RNF111: variants seen among roughly 807,000 people sequenced by gnomAD.
RNF111 encodes E3 ubiquitin-protein ligase Arkadia.
In RNF111, 17 loss-of-function variants were observed where a neutral mutation model predicts 95.1. The ratio of observed to expected loss-of-function variants is 0.18; its 90% CI spans 0.12 to 0.27. The LOEUF (loss-of-function observed/expected upper bound fraction) is 0.27, where lower values mean the gene tolerates loss of function less well. RNF111 is among the 10% of genes least tolerant of loss of function. The probability of loss-of-function intolerance (pLI) is 1.00; values close to 1 mark genes in which losing one functional copy is unlikely to be tolerated. For synonymous variants in RNF111, 440 were observed against 414.8 expected (o/e 1.06, Z -0.74); for missense variants, 1,189 against 1,210.4 (o/e 0.98, Z 0.26).
chr15:59,088,192 A>G (rs959599852), intron 10 of RNF111, among the ~76,000 whole-genome samples: 1 of 152,188 alleles, frequency 6.6e-6, no homozygotes, highest in Non-Finnish European at 1.5e-5. Flanking sequence ...GAAGTAGTGA[A>G]GTAAGCATGA....
At chr15:59,070,820 G>A (rs1215195104) in intron 6 of RNF111, among the ~76,000 whole-genome samples, 1 of 152,112 alleles carries the variant, frequency 6.6e-6, no homozygotes, top group East Asian at 1.9e-4. Context: ...TCTCGGGACT[G>A]TTGGGTGACT....
intron 1 of RNF111, among the ~76,000 whole-genome samples, chr15:59,012,355 G>C (rs1477373935): frequency 6.6e-6 from 1 of 152,100 alleles, no homozygotes; most frequent in East Asian, 1.9e-4. Context: ...GGTAATTACA[G>C]TATTTGATAA....
chr15:59,003,789 T>G (rs2039426419), intron 1 of RNF111, among the ~76,000 whole-genome samples: 2 of 152,256 alleles, frequency 1.3e-5, no homozygotes, highest in Non-Finnish European at 1.5e-5. Flanking sequence ...GCAAAGACTT[T>G]CTATGTCCTG....
At chr15:59,084,778 C>A (rs566260945) in intron 9 of RNF111, among the ~76,000 whole-genome samples, 1 of 152,108 alleles carries the variant, frequency 6.6e-6, no homozygotes, top group Non-Finnish European at 1.5e-5. Context: ...CATGACCCCC[C>A]ACCCTCTCCC....
At chr15:58,992,292 G>A (rs1051772761) in intron 1 of RNF111, among the ~76,000 whole-genome samples, 2 of 152,062 alleles carry the variant, frequency 1.3e-5, no homozygotes, top group Non-Finnish European at 2.9e-5. Flanking sequence ...TGATTCGCCC[G>A]TCTCGGCCTC....
At chr15:59,090,290 C>T (rs1209995193) in intron 11 of RNF111, among the ~76,000 whole-genome samples, 3 of 152,120 alleles carry the variant, frequency 2.0e-5, no homozygotes, top group Non-Finnish European at 4.4e-5. Flanking sequence ...AGTGCAGTTG[C>T]ACAATCTCAG....
At chr15:59,059,581 T>A (rs1322325882) in intron 5 of RNF111, among the ~76,000 whole-genome samples, 1 of 152,186 alleles carries the variant, frequency 6.6e-6, no homozygotes, top group Non-Finnish European at 1.5e-5. Flanking sequence ...CTGGGGTTTT[T>A]TGGTTATGGT....
intron 5 of RNF111, among the ~76,000 whole-genome samples, chr15:59,065,194 G>C (rs2042604018): frequency 6.6e-6 from 1 of 152,098 alleles, no homozygotes. Context: ...GATGGCAGCA[G>C]GGCGGGGCTT....
chr15:59,039,055 C>G (rs971782468), intron 2 of RNF111, among the ~76,000 whole-genome samples: 2 of 152,154 alleles, frequency 1.3e-5, no homozygotes, highest in African/African-American at 2.4e-5. Context: ...ACCTCTGCCT[C>G]CCGTGTTCAA....
intron 1 of RNF111, among the ~76,000 whole-genome samples, chr15:59,021,108 T>G (rs1174908322): frequency 6.6e-6 from 1 of 152,164 alleles, no homozygotes; most frequent in South Asian, 2.1e-4. Flanking sequence ...ATCATTCTTA[T>G]GCCTCTGTGT....
chr15:58,990,276 T>C lies in RNF111; in HGVS notation c.-20+2208T>C, dbSNP rs74908426. Among the ~76,000 whole-genome samples, 435 of 152,266 alleles carry C rather than the reference T, an allele frequency of 2.9e-3. 1 individual carries two copies. Among genetic ancestry groups the C allele is most frequent in the African/African-American group, 9.9e-3 (413 of 41,546 alleles). On this transcript the variant is annotated intron_variant, in intron 1 of 13. Coordinates refer to ENST00000348370, the MANE Select transcript of RNF111 (RefSeq NM_017610.8). Reference sequence around the variant, plus strand: ...TATCTAGTTAGGTTTTTGGTATTCATTGTTGTGTTTGTCGTAATTGAATCC... The same window carrying C: ...TATCTAGTTAGGTTTTTGGTATTCACTGTTGTGTTTGTCGTAATTGAATCC...
At chr15:58,990,118 A>G (rs917591290) in intron 1 of RNF111, among the ~76,000 whole-genome samples, 9 of 152,206 alleles carry the variant, frequency 5.9e-5, no homozygotes, top group South Asian at 2.1e-4. Context: ...TTTTAGATCT[A>G]TCTTTGCTTG....
chr15:59,090,534 T>C (rs2079024173), intron 11 of RNF111, among the ~76,000 whole-genome samples: 1 of 152,094 alleles, frequency 6.6e-6, no homozygotes, highest in African/African-American at 2.4e-5. Flanking sequence ...CCGGCCCCCG[T>C]TGTGTTTTTT....
intron 2 of RNF111, among the ~76,000 whole-genome samples, chr15:59,036,732 A>G (rs1048286428): frequency 6.6e-5 from 10 of 152,212 alleles, no homozygotes; most frequent in African/African-American, 2.4e-4. Flanking sequence ...AATGTTTTAC[A>G]TTTTAAGTAT....
intron 1 of RNF111, among the ~76,000 whole-genome samples, chr15:59,023,478 A>G (rs1382980182): frequency 6.6e-6 from 1 of 152,116 alleles, no homozygotes; most frequent in Non-Finnish European, 1.5e-5. Context: ...AGTATTTTCT[A>G]ACTAGCTACT....
chr15:59,005,652 T>C (rs2039508295), intron 1 of RNF111, among the ~76,000 whole-genome samples: 1 of 152,084 alleles, frequency 6.6e-6, no homozygotes, highest in East Asian at 1.9e-4. Context: ...TGGGTGTAGC[T>C]AGAGGATTGA....
At chr15:59,084,388 G>A (rs1384469248) in intron 9 of RNF111, 134 bp downstream of exon 9, 1 of 856,586 alleles carries the variant, frequency 1.2e-6, no homozygotes, top group Non-Finnish European at 1.6e-6. Context: ...CTGAGACACT[G>A]CCTCTGGGCA....
At chr15:59,068,461 C>T (rs1167173596) in intron 6 of RNF111, among the ~76,000 whole-genome samples, 1 of 151,672 alleles carries the variant, frequency 6.6e-6, no homozygotes, top group Non-Finnish European at 1.5e-5. Flanking sequence ...CAAAAATTAG[C>T]TGGGTGTGAT....
Position 59,092,571 on chromosome 15 carries a change from G to A in RNF111, c.2774G>A (p.Gly925Glu). 6.2e-7 allele frequency: 1 copy of A among 1,612,972 alleles called. No homozygotes were observed. ...KLHCKQDGEE[G>E]TEEDTEEKCT... ...CACTGCAAACAAGATGGGGAAGAAGGGACTGAGGAAGACACAGAGGAAAAA... is the reference window on the plus strand; with the variant it reads ...CACTGCAAACAAGATGGGGAAGAAGAGACTGAGGAAGACACAGAGGAAAAA... Residue 925 changes from glycine (G) to glutamate (E), a missense_variant, in exon 13 of 14, where the codon GGG becomes GAG. By Grantham distance (98) the Gly-to-Glu change is moderately conservative. Around this residue, in one of 2 missense-constraint regions of RNF111, gnomAD observed 165 missense variants for 284.6 expected, o/e 0.58. Coordinates refer to ENST00000348370, the MANE Select transcript of RNF111 (RefSeq NM_017610.8).
Sources: gnomAD v4.1 joint callset for allele counts (sites outside exome capture counted in the v4.1 genomes callset) on GRCh38, gnomAD v4.1.1 for gene constraint, gnomAD v4.1.1 regional missense constraint, MANE v1.5 for transcripts, NCBI Gene and HGNC (gene_info 2026-07-23, HGNC 2026-07-21) for gene names.